Variants in VWA2 observed in about 807,000 individuals in gnomAD.
VWA2 encodes von Willebrand factor A domain-containing protein 2.
In VWA2, 73 loss-of-function variants were observed where a neutral mutation model predicts 70.4. The observed-to-expected ratio is 1.04, with a 90% CI of 0.86 to 1.26. The LOEUF (loss-of-function observed/expected upper bound fraction) is 1.26, where lower values mean the gene tolerates loss of function less well. Ranked by LOEUF, VWA2 falls within the 50% of genes most tolerant of loss-of-function variation. VWA2 has a pLI of 0.00. For missense variants in VWA2, 1,011 were observed against 998.5 expected (o/e 1.01, Z -0.17); for synonymous variants, 407 against 423.3 (o/e 0.96, Z 0.47).
intron 9 of VWA2, among the ~76,000 whole-genome samples, chr10:114,283,009 T>C (rs750174339): frequency 1.1e-4 from 16 of 152,186 alleles, no homozygotes; most frequent in Non-Finnish European, 2.2e-4. Context: ...CAGTAGATAA[T>C]GCCCATGGAA....
chr10:114,276,565 C>A (rs1399332367), intron 6 of VWA2, among the ~76,000 whole-genome samples: 1 of 152,138 alleles, frequency 6.6e-6, no homozygotes, highest in Non-Finnish European at 1.5e-5. Context: ...GTGGCACGAT[C>A]ATGGCTAACT....
intron 7 of VWA2, 40 bp downstream of exon 7, chr10:114,278,087 G>T (rs1377920650): frequency 1.3e-6 from 2 of 1,589,818 alleles, no homozygotes; most frequent in Admixed American, 3.4e-5. Flanking sequence ...AGTGCCATGT[G>T]GGGTCGGGGA....
At position 114,289,305 on chromosome 10, in the gene VWA2, G is replaced by A. The variant is rs754575985; in HGVS notation, c.1938G>A (p.Glu646=). 7.4e-6 allele frequency: 12 copies of A among 1,614,126 alleles called. No homozygotes were observed. The highest frequency in any genetic ancestry group is 1.3e-5 in the African/African-American group (1 of 75,076). Reference sequence around the variant, plus strand: ...TGCTCACAGGCGGGAGAGGCGCAGAGGATGCAGCCGTTCCTGCCCAGAAGC... The same window carrying A: ...TGCTCACAGGCGGGAGAGGCGCAGAAGATGCAGCCGTTCCTGCCCAGAAGC... The part of the protein sequence containing the change: ...VVVLTGGRGA[E]DAAVPAQKLR... Residue 646 remains glutamate, a synonymous_variant, in exon 12 of 14, where the codon GAG becomes GAA. Coordinates refer to ENST00000392982, the MANE Select transcript of VWA2 (RefSeq NM_001272046.2).
intron 4 of VWA2, among the ~76,000 whole-genome samples, chr10:114,260,226 G>C (rs1233593887): frequency 6.6e-6 from 1 of 152,186 alleles, no homozygotes; most frequent in Non-Finnish European, 1.5e-5. Flanking sequence ...CTCTGCTCAA[G>C]ACACGCTAGT....
intron 5 of VWA2, among the ~76,000 whole-genome samples, chr10:114,262,590 G>A (rs917231983): frequency 6.6e-6 from 1 of 152,042 alleles, no homozygotes; most frequent in African/African-American, 2.4e-5. Context: ...TGAGCTCTGA[G>A]GGCCTTTTTC....
At chr10:114,264,734 T>A (rs1277844735) in intron 5 of VWA2, among the ~76,000 whole-genome samples, 1 of 151,312 alleles carries the variant, frequency 6.6e-6, no homozygotes, top group Non-Finnish European at 1.5e-5. Context: ...TTTTTTCTTT[T>A]TTTGAGATGG....
At chr10:114,281,565 CTG>C (rs1263605235) in intron 8 of VWA2, 1 of 187,590 alleles carries the variant, frequency 5.3e-6, no homozygotes, top group Non-Finnish European at 1.0e-5. Context: ...ATGGTGGCTG[CTG>C]TGTTATCACA....
chr10:114,249,255 T>A (rs1019828918), intron 2 of VWA2, among the ~76,000 whole-genome samples: 1 of 151,980 alleles, frequency 6.6e-6, no homozygotes. Context: ...CTCCCACTTA[T>A]TTTATTTATT....
In VWA2 at chr10:114,248,780, T is replaced by C. The variant is rs1404395819; in HGVS notation, c.52+15T>C. On this transcript the variant is annotated intron_variant, in intron 2 of 13. Transcript: ENST00000392982. ...GTTTTCCAGAGGTAAGATGTGTTTA[T>C]TGGTGGTGGGGAAGTACTGGCGTGT... 1 of 1,612,886 alleles carries C rather than the reference T, an allele frequency of 6.2e-7. No individual in the cohort carries two copies. The highest frequency in any genetic ancestry group is 2.2e-5 in the East Asian group (1 of 44,884).
intron 9 of VWA2, 103 bp downstream of exon 9, chr10:114,282,674 C>T: frequency 9.7e-7 from 1 of 1,030,450 alleles, no homozygotes; most frequent in Non-Finnish European, 1.5e-6. Flanking sequence ...GGGGTTGTGA[C>T]TGGCTCCAGG....
chr10:114,271,889 G>T (rs2037718269), intron 5 of VWA2, among the ~76,000 whole-genome samples: 1 of 152,150 alleles, frequency 6.6e-6, no homozygotes, highest in African/African-American at 2.4e-5. Flanking sequence ...GATCATGTTT[G>T]GATGGGCTAC....
intron 6 of VWA2, among the ~76,000 whole-genome samples, chr10:114,277,178 T>TTTTTTTTTTTTG (rs2037864656): frequency 7.9e-6 from 1 of 126,866 alleles, no homozygotes; most frequent in African/African-American, 3.2e-5. Context: ...CTTTTTTTTT[T>TTTTTTTTTTTTG]TTTTTTTTTT....
chr10:114,267,493 G>A (rs1390741700), intron 5 of VWA2, among the ~76,000 whole-genome samples: 1 of 144,866 alleles, frequency 6.9e-6, no homozygotes, highest in African/African-American at 2.6e-5. Flanking sequence ...AATGCAGTGG[G>A]GCAATCTCAG....
At chr10:114,269,866 C>T (rs1169369726) in intron 5 of VWA2, among the ~76,000 whole-genome samples, 1 of 152,166 alleles carries the variant, frequency 6.6e-6, no homozygotes, top group Non-Finnish European at 1.5e-5. Flanking sequence ...CCATAGGGCT[C>T]ACTGGCCAGT....
intron 1 of VWA2, among the ~76,000 whole-genome samples, chr10:114,245,073 C>G (rs2133279349): frequency 6.6e-6 from 1 of 152,252 alleles, no homozygotes; most frequent in East Asian, 1.9e-4. Flanking sequence ...TTGAGGGGGA[C>G]AGGGGAGGGA....
intron 8 of VWA2, among the ~76,000 whole-genome samples, chr10:114,279,783 A>G (rs1438475420): frequency 6.6e-6 from 1 of 152,188 alleles, no homozygotes; most frequent in Non-Finnish European, 1.5e-5. Flanking sequence ...GCTGCCCCCA[A>G]GGAATCATGG....
chr10:114,286,485 G>A lies in VWA2; in HGVS notation c.1544G>A (p.Gly515Glu), dbSNP rs1172836332. 2 of 1,588,168 alleles carry A rather than the reference G, an allele frequency of 1.3e-6. No homozygotes were observed. Among genetic ancestry groups the A allele is most frequent in the African/African-American group, 1.3e-5 (1 of 74,716 alleles). ...DLFNQIPELQ[G>E]KLCSRQRPGC... ...TTCAACCAAATCCCTGAGCTGCAGG[G>A]GAAGCTGTGCAGCCGGCAGCGGCCA... The change falls in exon 11 of 14, where the codon GGG becomes GAG. Residue 515 changes from glycine to glutamate, a missense_variant. Transcript: ENST00000392982.
chr10:114,281,850 A>G, intron 8 of VWA2: 1 of 695,434 alleles, frequency 1.4e-6, no homozygotes, highest in Non-Finnish European at 1.8e-6. Context: ...GGAAAGTAAC[A>G]TGTCTGTGGT....
At chr10:114,270,707 C>T (rs935260925) in intron 5 of VWA2, among the ~76,000 whole-genome samples, 4 of 152,162 alleles carry the variant, frequency 2.6e-5, no homozygotes, top group South Asian at 2.1e-4. Flanking sequence ...AGATCAGAAT[C>T]GGGTTGGTGG....
Sources: allele counts gnomAD v4.1 joint callset (sites outside exome capture counted in the v4.1 genomes callset), GRCh38; gene constraint gnomAD v4.1.1; transcripts MANE v1.5; gene names NCBI Gene and HGNC (gene_info 2026-07-23, HGNC 2026-07-21).